Variants in ZNF804A observed in about 807,000 individuals in gnomAD.
ZNF804A encodes zinc finger protein 804A.
ZNF804A carries 2 observed loss-of-function variants against 16.5 expected under a neutral mutation model. The observed-to-expected ratio is 0.12, with a 90% confidence interval of 0.05 to 0.38. ZNF804A has a LOEUF of 0.38. Among genes scored for constraint, ZNF804A ranks in the 10% least tolerant of loss-of-function variants. The pLI, the probability that ZNF804A is intolerant of heterozygous loss-of-function variation, is 0.99. For missense variants in ZNF804A, 1,473 were observed against 1,390.7 expected, an observed-to-expected ratio of 1.06 and a Z score of -0.94; for synonymous variants, 534 against 489.6, an observed-to-expected ratio of 1.09 and a Z score of -1.20.
intron 2 of ZNF804A, among the ~76,000 whole-genome samples, chr2:184,932,121 T>C (rs577598246): frequency 6.6e-6 from 1 of 152,296 alleles, no homozygotes; most frequent in Non-Finnish European, 1.5e-5. Flanking sequence ...TTGACAAGTC[T>C]GTAGGAGGTT....
chr2:184,721,017 G>A (rs1051041753), intron 1 of ZNF804A, among the ~76,000 whole-genome samples: 2 of 152,176 alleles, frequency 1.3e-5, no homozygotes, highest in Non-Finnish European at 2.9e-5. Flanking sequence ...TTCAATAAAT[G>A]ATATTGGGAA....
chr2:184,937,185 A>G lies in ZNF804A; in HGVS notation c.1789A>G (p.Lys597Glu). The change falls in exon 4 of 4, where the codon AAA (lysine) becomes GAA (glutamate). Residue 597 changes from lysine to glutamate, a missense_variant. By Grantham distance (56) the Lys-to-Glu change is moderately conservative (BLOSUM62 1). Coordinates refer to ENST00000302277, the MANE Select transcript of ZNF804A (RefSeq NM_194250.2). ...CTGGTTCCATAAAAGTAGAAGAAAGAAAAAAAGAAAAAAGTTATGTCAGCA... is the reference window on the plus strand; with the variant it reads ...CTGGTTCCATAAAAGTAGAAGAAAGGAAAAAAGAAAAAAGTTATGTCAGCA... The part of the protein sequence containing the change: ...EYWFHKSRRK[K>E]KRKKLCQHHH... 1.3e-6 allele frequency: 2 copies of G among 1,596,584 alleles called. No individual in the cohort carries two copies. Among genetic ancestry groups the G allele is most frequent in the South Asian group, 1.1e-5 (1 of 87,528 alleles).
At chr2:184,921,657 A>C (rs575566538) in intron 2 of ZNF804A, among the ~76,000 whole-genome samples, 53 of 152,216 alleles carry the variant, frequency 3.5e-4, no homozygotes, top group African/African-American at 1.2e-3. Flanking sequence ...TTTATTTTTA[A>C]ATGTACAATT....
In ZNF804A at chr2:184,758,654, C is replaced by G. The variant is rs529627442; in HGVS notation, c.112-107715C>G. ...CAAATTATGCTCTCATTCACTTAAACTGATTTTGAACCTTTAAACAGTGGA... is the reference window on the plus strand; with the variant it reads ...CAAATTATGCTCTCATTCACTTAAAGTGATTTTGAACCTTTAAACAGTGGA... On this transcript the variant is annotated intron_variant, in intron 1 of 3. Coordinates refer to ENST00000302277, the MANE Select transcript of ZNF804A (RefSeq NM_194250.2). Among the ~76,000 whole-genome samples, 12 of 152,020 alleles carry G rather than the reference C, an allele frequency of 7.9e-5. No homozygotes were observed. The South Asian group carries it at 2.5e-3, about 32-fold the overall frequency.
At chr2:184,614,790 C>T (rs1691294736) in intron 1 of ZNF804A, among the ~76,000 whole-genome samples, 1 of 152,124 alleles carries the variant, frequency 6.6e-6, no homozygotes, top group Non-Finnish European at 1.5e-5. Context: ...AAAAAAAGCT[C>T]ATTATCACTG....
chr2:184,899,684 G>C (rs1376890128), intron 2 of ZNF804A, among the ~76,000 whole-genome samples: 2 of 151,772 alleles, frequency 1.3e-5, no homozygotes, highest in African/African-American at 2.4e-5. Context: ...TCAAAGTTAT[G>C]AGTAACATTT....
At chr2:184,876,890 A>G (rs1684698799) in intron 2 of ZNF804A, among the ~76,000 whole-genome samples, 1 of 152,152 alleles carries the variant, frequency 6.6e-6, no homozygotes, top group African/African-American at 2.4e-5. Flanking sequence ...CCACCAAAAG[A>G]AAAAAGAATG....
At chr2:184,711,758 T>C (rs1302943529) in intron 1 of ZNF804A, among the ~76,000 whole-genome samples, 1 of 151,782 alleles carries the variant, frequency 6.6e-6, no homozygotes, top group Non-Finnish European at 1.5e-5. Flanking sequence ...TTTTGTGTTA[T>C]TGGCACCCTT....
At chr2:184,862,876 G>A (rs1342712305) in intron 1 of ZNF804A, among the ~76,000 whole-genome samples, 2 of 151,996 alleles carry the variant, frequency 1.3e-5, no homozygotes, top group African/African-American at 2.4e-5. Context: ...TGGGATATTT[G>A]ATGACAATAA....
At chr2:184,927,257 C>A (rs902719815) in intron 2 of ZNF804A, among the ~76,000 whole-genome samples, 2 of 152,208 alleles carry the variant, frequency 1.3e-5, no homozygotes, top group Non-Finnish European at 2.9e-5. Flanking sequence ...AGAGATACCA[C>A]CTCCAAGGTC....
intron 1 of ZNF804A, among the ~76,000 whole-genome samples, chr2:184,715,532 C>T (rs1259952597): frequency 6.6e-6 from 1 of 152,006 alleles, no homozygotes. Flanking sequence ...GGACTACAGG[C>T]ATATGCCACC....
intron 1 of ZNF804A, among the ~76,000 whole-genome samples, chr2:184,708,476 A>C (rs1358397505): frequency 6.6e-6 from 1 of 152,140 alleles, no homozygotes; most frequent in African/African-American, 2.4e-5. Flanking sequence ...CAGAATAGGG[A>C]GCCCAGAAAT....
Position 184,903,779 on chromosome 2 carries a change from C to T in ZNF804A, c.256-29824C>T, listed in dbSNP as rs139481319. On this transcript the variant is annotated intron_variant, in intron 2 of 3. Coordinates refer to ENST00000302277, the MANE Select transcript of ZNF804A (RefSeq NM_194250.2). ...ATGTATACAACTTGATGAGTTTGGACATATGTGTGCTTCATGTAGCCACCA... is the reference window on the plus strand; with the variant it reads ...ATGTATACAACTTGATGAGTTTGGATATATGTGTGCTTCATGTAGCCACCA... Among the ~76,000 whole-genome samples, 415 of 152,168 alleles carry T rather than the reference C, an allele frequency of 2.7e-3. 2 individuals are homozygous for T. Among genetic ancestry groups the T allele is most frequent in the African/African-American group, 9.1e-3 (376 of 41,536 alleles).
intron 1 of ZNF804A, among the ~76,000 whole-genome samples, chr2:184,748,648 A>G (rs1360856217): frequency 1.3e-5 from 2 of 150,902 alleles, no homozygotes; most frequent in Admixed American, 6.6e-5. Context: ...CTATTTGTCA[A>G]TTTCTGTTTT....
At chr2:184,832,097 C>G (rs1345270444) in intron 1 of ZNF804A, among the ~76,000 whole-genome samples, 1 of 151,980 alleles carries the variant, frequency 6.6e-6, no homozygotes, top group African/African-American at 2.4e-5. Flanking sequence ...GTATACTTGG[C>G]TTTACCAATT....
chr2:184,877,544 A>G (rs1366843), intron 2 of ZNF804A, among the ~76,000 whole-genome samples: 7,655 of 152,148 alleles, frequency 0.05, 250 homozygotes, highest in Middle Eastern at 0.078. Flanking sequence ...CCTGGCACCT[A>G]TAGAAACTAA....
chr2:184,806,855 T>C (rs1366183415), intron 1 of ZNF804A, among the ~76,000 whole-genome samples: 2 of 151,810 alleles, frequency 1.3e-5, no homozygotes, highest in African/African-American at 4.8e-5. Flanking sequence ...GTTTATAAGA[T>C]TATTAGTGAC....
chr2:184,682,596 G>T (rs368577123), intron 1 of ZNF804A, among the ~76,000 whole-genome samples: 3 of 152,094 alleles, frequency 2.0e-5, no homozygotes, highest in African/African-American at 7.2e-5. Context: ...ATTGTAAATA[G>T]GCAATTGTAG....
chr2:184,762,893 T>A (rs1412449926), intron 1 of ZNF804A, among the ~76,000 whole-genome samples: 2 of 152,130 alleles, frequency 1.3e-5, no homozygotes, highest in East Asian at 3.8e-4. Context: ...TAAGAGCTTA[T>A]AGTTGTAAGG....
Sources: allele counts gnomAD v4.1 joint callset (sites outside exome capture counted in the v4.1 genomes callset), GRCh38; gene constraint gnomAD v4.1.1; transcripts MANE v1.5; gene names NCBI Gene and HGNC (gene_info 2026-07-23, HGNC 2026-07-21).